The following SPON1 variants were observed in gnomAD, a reference collection of about 807,000 sequenced individuals.
SPON1 encodes spondin-1.
In SPON1, 52 loss-of-function variants were observed where a neutral mutation model predicts 111.7. The observed-to-expected ratio is 0.47, with a 90% CI of 0.37 to 0.59. SPON1 has a LOEUF of 0.59. Among genes scored for constraint, SPON1 ranks in the 20% least tolerant of loss-of-function variants. The pLI, the probability that SPON1 is intolerant of heterozygous loss-of-function variation, is 0.00. For missense variants in SPON1, 957 were observed against 1,068.5 expected (o/e 0.90, Z 1.46); for synonymous variants, 410 against 395.8 (o/e 1.04, Z -0.43).
chr11:14,051,413 A>G (rs1226478788), intron 3 of SPON1, among the ~76,000 whole-genome samples: 2 of 152,040 alleles, frequency 1.3e-5, no homozygotes, highest in Non-Finnish European at 1.5e-5. Context: ...GTGAGAGCCT[A>G]TAGTCCCAGC....
chr11:14,115,005 C>T (rs1436962414), intron 5 of SPON1, among the ~76,000 whole-genome samples: 1 of 152,202 alleles, frequency 6.6e-6, no homozygotes, highest in Non-Finnish European at 1.5e-5. Context: ...CTAATGGCTC[C>T]AGGCAGGCAC....
At chr11:13,984,103 T>C (rs1008914538) in intron 2 of SPON1, among the ~76,000 whole-genome samples, 3 of 152,324 alleles carry the variant, frequency 2.0e-5, no homozygotes, top group East Asian at 3.9e-4. Flanking sequence ...ATAATAATAC[T>C]AGCAACAGCC....
intron 6 of SPON1, among the ~76,000 whole-genome samples, chr11:14,160,965 ATATATATT>A (rs1847938527): frequency 1.8e-5 from 1 of 55,518 alleles, no homozygotes; most frequent in Non-Finnish European, 3.1e-5. Flanking sequence ...ATATATATTT[ATATATATT>A]TTTATATATT....
intron 2 of SPON1, among the ~76,000 whole-genome samples, 168 bp downstream of exon 2, chr11:13,983,121 C>G (rs1223906258): frequency 6.6e-6 from 1 of 152,220 alleles, no homozygotes; most frequent in Non-Finnish European, 1.5e-5. Context: ...ATGCCGCACA[C>G]CTATCTGAGC....
At chr11:14,020,009 T>G (rs1430433622) in intron 2 of SPON1, among the ~76,000 whole-genome samples, 1 of 152,182 alleles carries the variant, frequency 6.6e-6, no homozygotes, top group Non-Finnish European at 1.5e-5. Context: ...AGGAACAGGA[T>G]AGCCATAATT....
chr11:14,177,936 T>G (rs1848195567), intron 6 of SPON1, among the ~76,000 whole-genome samples: 1 of 152,116 alleles, frequency 6.6e-6, no homozygotes, highest in Admixed American at 6.6e-5. Flanking sequence ...CCAAAAGTAT[T>G]TCAGAGATTG....
intron 6 of SPON1, among the ~76,000 whole-genome samples, chr11:14,167,084 G>A (rs1848038777): frequency 6.6e-6 from 1 of 151,980 alleles, no homozygotes; most frequent in Non-Finnish European, 1.5e-5. Context: ...TACAATTATA[G>A]GAGTTTTACA....
chr11:14,014,064 A>G (rs1410670052), intron 2 of SPON1, among the ~76,000 whole-genome samples: 2 of 152,118 alleles, frequency 1.3e-5, no homozygotes, highest in African/African-American at 4.8e-5. Flanking sequence ...GCTGGGGGAG[A>G]AGCTCTGTGT....
chr11:14,032,721 T>C (rs1848568119), intron 2 of SPON1, among the ~76,000 whole-genome samples: 2 of 152,136 alleles, frequency 1.3e-5, no homozygotes, highest in South Asian at 4.2e-4. Flanking sequence ...CCTCAAACAT[T>C]CATCTACTTT....
intron 6 of SPON1, among the ~76,000 whole-genome samples, chr11:14,176,143 T>A (rs1848172432): frequency 6.6e-6 from 1 of 152,004 alleles, no homozygotes. Context: ...TAGGGTTCAT[T>A]GAATGTGACC....
intron 3 of SPON1, among the ~76,000 whole-genome samples, chr11:14,070,246 T>C (rs963842254): frequency 6.6e-6 from 1 of 152,314 alleles, no homozygotes; most frequent in East Asian, 1.9e-4. Context: ...ACTGAGATCA[T>C]AGAGAAATTT....
intron 6 of SPON1, among the ~76,000 whole-genome samples, chr11:14,151,777 A>G (rs568747341): frequency 1.7e-4 from 26 of 152,240 alleles, no homozygotes; most frequent in Non-Finnish European, 3.8e-4. Flanking sequence ...AAATATACAA[A>G]TCAAAGATAA....
chr11:14,053,340 C>T (rs1265749983), intron 3 of SPON1, among the ~76,000 whole-genome samples: 4 of 152,280 alleles, frequency 2.6e-5, no homozygotes, highest in African/African-American at 9.6e-5. Context: ...CACCAATCTA[C>T]ATTCCGGCTC....
intron 3 of SPON1, among the ~76,000 whole-genome samples, chr11:14,055,269 G>T (rs1554919058): frequency 6.6e-6 from 1 of 152,146 alleles, no homozygotes; most frequent in Non-Finnish European, 1.5e-5. Context: ...ATCTCGATAT[G>T]TGCTATGCTA....
chr11:14,194,567 C>CACAGAG (rs150398912), intron 6 of SPON1, among the ~76,000 whole-genome samples: 10 of 139,306 alleles, frequency 7.2e-5, no homozygotes, highest in African/African-American at 2.4e-4. Flanking sequence ...CACACACACA[C>CACAGAG]GGACTGCCTG....
At chr11:14,142,753 G>T (rs1847671052) in intron 6 of SPON1, among the ~76,000 whole-genome samples, 2 of 152,206 alleles carry the variant, frequency 1.3e-5, no homozygotes, top group South Asian at 4.1e-4. Context: ...GTGAAGTCTA[G>T]TTTGATTGTA....
intron 3 of SPON1, among the ~76,000 whole-genome samples, chr11:14,058,428 G>A (rs1051735617): frequency 3.3e-5 from 5 of 152,126 alleles, no homozygotes; most frequent in African/African-American, 1.2e-4. Context: ...AGCACAGGGC[G>A]GAGTTGGGCA....
intron 6 of SPON1, among the ~76,000 whole-genome samples, chr11:14,164,343 T>C (rs1848002516): frequency 1.3e-5 from 2 of 152,204 alleles, no homozygotes; most frequent in African/African-American, 2.4e-5. Flanking sequence ...GCTGGATACA[T>C]GGCCACCCAG....
chr11:14,092,501 C>T (rs1024412941), intron 5 of SPON1, among the ~76,000 whole-genome samples: 2 of 152,068 alleles, frequency 1.3e-5, no homozygotes, highest in South Asian at 4.1e-4. Context: ...GGGGCAATAC[C>T]CAGTCTCTGC....
Sources: allele counts gnomAD v4.1 joint callset (sites outside exome capture counted in the v4.1 genomes callset), GRCh38; gene constraint gnomAD v4.1.1; transcripts MANE v1.5; gene names NCBI Gene and HGNC (gene_info 2026-07-23, HGNC 2026-07-21).